The following NBEAL1 variants were observed in gnomAD, a reference collection of about 807,000 sequenced individuals.
NBEAL1 encodes the protein neurobeachin like 1, also known as neurobeachin-like protein 1.
In NBEAL1, 273 loss-of-function variants were observed where a neutral mutation model predicts 351.3. The ratio of observed to expected loss-of-function variants is 0.78; its 90% CI spans 0.70 to 0.86. The LOEUF (loss-of-function observed/expected upper bound fraction) is 0.86, where lower values mean the gene tolerates loss of function less well. NBEAL1 is among the 40% of genes least tolerant of loss of function. The pLI, the probability that NBEAL1 is intolerant of heterozygous loss-of-function variation, is 0.00. For synonymous variants in NBEAL1, 1,050 were observed against 1,086.4 expected, an observed-to-expected ratio of 0.97 and a Z score of 0.66; for missense variants, 2,961 against 3,201.3, an observed-to-expected ratio of 0.92 and a Z score of 1.81.
intron 7 of NBEAL1, 23 bp from the exon 8 acceptor site, chr2:203,077,726 TTTA>T: frequency 8.7e-7 from 1 of 1,155,956 alleles, no homozygotes; most frequent in East Asian, 2.9e-5. Flanking sequence ...ATCTTATTTA[TTTA>T]TTTATTTATT....
At chr2:203,056,035 A>G (rs753934963) in intron 4 of NBEAL1, among the ~76,000 whole-genome samples, 7 of 152,242 alleles carry the variant, frequency 4.6e-5, no homozygotes, top group Non-Finnish European at 1.0e-4. Flanking sequence ...AGTATGTACA[A>G]AAAAGAAAAC....
At chr2:203,194,964 G>A (rs998020856) in intron 47 of NBEAL1, among the ~76,000 whole-genome samples, 5 of 152,140 alleles carry the variant, frequency 3.3e-5, no homozygotes, top group African/African-American at 4.8e-5. Context: ...TTGGGAGGCC[G>A]AGACCGGCAG....
chr2:203,195,323 C>T (rs1025502346), intron 47 of NBEAL1, among the ~76,000 whole-genome samples: 7 of 152,094 alleles, frequency 4.6e-5, no homozygotes, highest in Non-Finnish European at 8.8e-5. Flanking sequence ...CATGCTTTCA[C>T]GTGTTTGTGA....
intron 3 of NBEAL1, 23 bp from the exon 4 acceptor site, chr2:203,049,791 A>AT (rs2061294954): frequency 6.7e-7 from 1 of 1,496,496 alleles, no homozygotes. Context: ...CAGGCTTCTT[A>AT]TTTTTTTCCC....
At chr2:203,201,518 G>C in intron 49 of NBEAL1, 25 bp from the exon 50 acceptor site, 16 of 1,489,288 alleles carry the variant, frequency 1.1e-5, no homozygotes, top group Non-Finnish European at 1.4e-5. Flanking sequence ...GTAAGGAAAA[G>C]TCTGATATTT....
intron 10 of NBEAL1, among the ~76,000 whole-genome samples, chr2:203,095,954 A>T (rs777795355): frequency 9.9e-5 from 15 of 151,008 alleles, no homozygotes; most frequent in Admixed American, 4.6e-4. Context: ...GGGTTTCACC[A>T]TGTTGGCCAG....
At chr2:203,186,141 T>C (rs1488098663) in intron 44 of NBEAL1, among the ~76,000 whole-genome samples, 4 of 152,244 alleles carry the variant, frequency 2.6e-5, no homozygotes, top group Non-Finnish European at 5.9e-5. Context: ...GCCATTGTAC[T>C]GCAAAAACAA....
intron 2 of NBEAL1, among the ~76,000 whole-genome samples, chr2:203,034,399 C>G (rs373050493): frequency 6.8e-5 from 9 of 132,694 alleles, no homozygotes; most frequent in South Asian, 6.6e-4. Context: ...CCTTGCGATC[C>G]GCCCACCTTG....
At chr2:203,145,745 C>T (rs1173011010) in intron 33 of NBEAL1, among the ~76,000 whole-genome samples, 6 of 137,294 alleles carry the variant, frequency 4.4e-5, no homozygotes, top group African/African-American at 1.7e-4. Context: ...TTGCAGTGAG[C>T]AGAGATCATG....
At chr2:203,124,125 T>C (rs1559383142) in intron 19 of NBEAL1, among the ~76,000 whole-genome samples, 2 of 152,152 alleles carry the variant, frequency 1.3e-5, no homozygotes, top group Admixed American at 6.5e-5. Flanking sequence ...TTGCTTGAGC[T>C]CAAGAGTTTG....
At chr2:203,115,692 A>G (rs1165739067) in intron 17 of NBEAL1, among the ~76,000 whole-genome samples, 2 of 152,100 alleles carry the variant, frequency 1.3e-5, no homozygotes, top group African/African-American at 4.8e-5. Context: ...AGCCTCCCAA[A>G]GTGCTGGGAT....
chr2:203,179,063 G>A (rs1035772842), intron 42 of NBEAL1, among the ~76,000 whole-genome samples: 6 of 152,252 alleles, frequency 3.9e-5, no homozygotes, highest in Non-Finnish European at 7.4e-5. Flanking sequence ...TTCAAACCAA[G>A]ATTAAATAGG....
chr2:203,190,129 C>G (rs1307260044), intron 45 of NBEAL1, among the ~76,000 whole-genome samples, 163 bp from the exon 46 acceptor site: 2 of 148,030 alleles, frequency 1.4e-5, no homozygotes, highest in Non-Finnish European at 3.0e-5. Flanking sequence ...GAGCAAGACT[C>G]TGTCTCAAAA....
chr2:203,050,239 AAG>A, intron 4 of NBEAL1: 1 of 220,730 alleles, frequency 4.5e-6, no homozygotes, highest in African/African-American at 2.3e-5. Context: ...GTAAATAAAA[AAG>A]AAAAAAAGAA....
chr2:203,122,298 G>T lies in NBEAL1; in HGVS notation c.2637G>T (p.Leu879Phe), dbSNP rs2062849474. 5 of 1,544,662 alleles carry T rather than the reference G, an allele frequency of 3.2e-6. No homozygotes were observed. The highest frequency in any genetic ancestry group is 4.4e-6 in the Non-Finnish European group (5 of 1,144,626). ...GTCTTGATTTATCTACTAATTGTTT[G>T]CATGGAAGATTAACAGGAAACAAAG... The part of the protein sequence containing the change: ...SICLDLSTNC[L>F]HGRLTGNKVV... Residue 879 changes from leucine (L) to phenylalanine (F), a missense_variant, in exon 19 of 56, where the codon TTG becomes TTT. By Grantham distance (22) the Leu-to-Phe change is conservative. Coordinates refer to ENST00000683969, the MANE Select transcript of NBEAL1 (RefSeq NM_001378026.1).
intron 7 of NBEAL1, among the ~76,000 whole-genome samples, chr2:203,072,098 C>T (rs916437651): frequency 3.3e-5 from 5 of 152,216 alleles, no homozygotes; most frequent in Non-Finnish European, 5.9e-5. Context: ...ACAGCCTTGC[C>T]TCCTGGATCT....
chr2:203,014,646 A>C (rs1239749155), upstream of NBEAL1: 1 of 152,288 alleles, frequency 6.6e-6, no homozygotes, highest in Non-Finnish European at 1.5e-5. Context: ...GGCTCGTTTC[A>C]GTGCCGCGGC....
At chr2:203,177,700 A>C (rs1407392717) in intron 42 of NBEAL1, among the ~76,000 whole-genome samples, 1 of 152,118 alleles carries the variant, frequency 6.6e-6, no homozygotes, top group African/African-American at 2.4e-5. Flanking sequence ...TTTGTGGAAA[A>C]TAGTCTGGCA....
At chr2:203,060,560 G>C (rs1407698028) in intron 6 of NBEAL1, among the ~76,000 whole-genome samples, 1 of 152,128 alleles carries the variant, frequency 6.6e-6, no homozygotes, top group African/African-American at 2.4e-5. Context: ...ACACTTAAGA[G>C]AGAAGAATTT....
Sources: allele counts gnomAD v4.1 joint callset (sites outside exome capture counted in the v4.1 genomes callset), GRCh38; gene constraint gnomAD v4.1.1; transcripts MANE v1.5; gene names NCBI Gene and HGNC (gene_info 2026-07-23, HGNC 2026-07-21).